ZNF69: variants seen among roughly 807,000 people sequenced by gnomAD.
ZNF69 encodes ZNF3.
In ZNF69, 47 loss-of-function variants were observed where a neutral mutation model predicts 50.9. That is an observed-to-expected ratio of 0.92 (90% CI 0.73 to 1.18). The LOEUF (loss-of-function observed/expected upper bound fraction) is 1.18, where lower values mean the gene tolerates loss of function less well. Ranked by LOEUF, ZNF69 falls within the 50% of genes most tolerant of loss-of-function variation. The pLI, the probability that ZNF69 is intolerant of heterozygous loss-of-function variation, is 0.00. For missense variants in ZNF69, 717 were observed against 675.1 expected (o/e 1.06, Z -0.69); for synonymous variants, 216 against 223.1 (o/e 0.97, Z 0.29).
the ZNF69 span, among the ~76,000 whole-genome samples, chr19:11,970,415 T>C: frequency 6.6e-6 from 1 of 152,214 alleles, no homozygotes; most frequent in Non-Finnish European, 1.5e-5. Context: ...AGTTTTCTTC[T>C]GTTATAACAA....
At chr19:11,951,780 T>C in the ZNF69 span, among the ~76,000 whole-genome samples, 2 of 152,254 alleles carry the variant, frequency 1.3e-5, no homozygotes, top group East Asian at 1.9e-4. Flanking sequence ...TTTAGAAATA[T>C]AGTTATAAAA....
downstream of ZNF69, among the ~76,000 whole-genome samples, chr19:11,917,502 A>C (rs1156923128): frequency 6.6e-6 from 1 of 152,086 alleles, no homozygotes; most frequent in Non-Finnish European, 1.5e-5. Context: ...AAAATGTGTA[A>C]CTATTGGAGT....
At chr19:11,893,767 G>C (rs1464641804) in intron 1 of ZNF69, among the ~76,000 whole-genome samples, 1 of 152,160 alleles carries the variant, frequency 6.6e-6, no homozygotes, top group Non-Finnish European at 1.5e-5. Flanking sequence ...ATGCCTTGTG[G>C]TGGAGGAGAT....
Position 11,905,146 on chromosome 19 carries a change from G to C in ZNF69, c.749G>C (p.Cys250Ser). The C allele has an allele frequency of 6.2e-7, 1 of 1,614,156 alleles. No individual in the cohort carries two copies. Among genetic ancestry groups the C allele is most frequent in the Non-Finnish European group, 8.5e-7 (1 of 1,180,022 alleles). Reference protein sequence around the residue: ...RIHTGEKPYECKQCGKSFSYS... With the variant: ...RIHTGEKPYESKQCGKSFSYS... ...CACACTGGAGAGAAACCATATGAAT[G>C]TAAACAATGTGGTAAATCCTTTAGT... The change falls in exon 4 of 4, where the codon TGT (cysteine) becomes TCT (serine). Residue 250 changes from cysteine to serine, a missense_variant. By Grantham distance (112) the Cys-to-Ser change is moderately radical. Coordinates refer to ENST00000429654, the MANE Select transcript of ZNF69 (RefSeq NM_001364730.1).
the ZNF69 span, chr19:11,925,091 T>C: frequency 8.7e-7 from 1 of 1,143,332 alleles, no homozygotes; most frequent in Non-Finnish European, 1.3e-6. Flanking sequence ...CATCCGGAAA[T>C]GGAGGGGGTC....
chr19:11,954,768 C>T, the ZNF69 span, among the ~76,000 whole-genome samples: 20 of 152,082 alleles, frequency 1.3e-4, no homozygotes, highest in Admixed American at 1.3e-3. Flanking sequence ...CTGCAGTGAG[C>T]TGTGATTGTG....
At chr19:11,938,730 G>T in the ZNF69 span, among the ~76,000 whole-genome samples, 1 of 152,062 alleles carries the variant, frequency 6.6e-6, no homozygotes, top group African/African-American at 2.4e-5. Flanking sequence ...TAATCCTTTG[G>T]GTATATACCC....
the ZNF69 span, chr19:11,964,927 A>G: frequency 2.5e-5 from 11 of 441,746 alleles, no homozygotes; most frequent in African/African-American, 2.2e-4. Context: ...CTGATACCCA[A>G]GGCTTCCGCT....
downstream of ZNF69, among the ~76,000 whole-genome samples, chr19:11,909,458 A>C (rs1413891900): frequency 6.6e-6 from 1 of 152,210 alleles, no homozygotes; most frequent in Non-Finnish European, 1.5e-5. Context: ...CACATCAAAA[A>C]GCTTATCCAC....
downstream of ZNF69, among the ~76,000 whole-genome samples, chr19:11,909,916 A>G (rs567567717): frequency 6.6e-5 from 10 of 151,310 alleles, no homozygotes; most frequent in East Asian, 1.9e-3. Flanking sequence ...GTATATTTAG[A>G]AAACCCTATC....
In ZNF69 at chr19:11,905,481, T is replaced by G. The variant is rs1239629914; in HGVS notation, c.1084T>G (p.Cys362Gly). The G allele has an allele frequency of 6.2e-7, 1 of 1,614,094 alleles. No homozygotes were observed. Among genetic ancestry groups the G allele is most frequent in the Non-Finnish European group, 8.5e-7 (1 of 1,180,034 alleles). Residue 362 changes from cysteine (C) to glycine (G), a missense_variant, in exon 4 of 4, where the codon TGT becomes GGT. Coordinates refer to ENST00000429654, the MANE Select transcript of ZNF69 (RefSeq NM_001364730.1). The part of the protein sequence containing the change: ...RMHSGERPYE[C>G]KICGKGFCSA... ...GCACTCTGGAGAAAGACCTTATGAA[T>G]GTAAGATATGTGGGAAAGGCTTTTG...
At chr19:11,928,711 G>A in the ZNF69 span, among the ~76,000 whole-genome samples, 47 of 132,822 alleles carry the variant, frequency 3.5e-4, no homozygotes, top group Non-Finnish European at 6.3e-4. Flanking sequence ...CAGCCTGGGC[G>A]ACAGAGCGAG....
chr19:11,947,888 G>T, the ZNF69 span, among the ~76,000 whole-genome samples: 1 of 152,088 alleles, frequency 6.6e-6, no homozygotes, highest in Non-Finnish European at 1.5e-5. Context: ...TGCATCGGTA[G>T]TCCCAGCTAC....
At chr19:11,979,215 C>T in the ZNF69 span, 2 of 1,611,822 alleles carry the variant, frequency 1.2e-6, no homozygotes, top group Non-Finnish European at 1.7e-6. Flanking sequence ...GTGGTAAAGC[C>T]TTCAATCTTT....
chr19:11,979,739 A>G, the ZNF69 span: 1 of 1,595,820 alleles, frequency 6.3e-7, no homozygotes. Flanking sequence ...GAAAGCCTTC[A>G]GATCTGCCCC....
the ZNF69 span, among the ~76,000 whole-genome samples, chr19:11,958,521 C>G: frequency 2.0e-5 from 3 of 152,218 alleles, no homozygotes; most frequent in Admixed American, 6.5e-5. Flanking sequence ...GAACCTTCCA[C>G]TGACTCACAG....
At chr19:11,908,288 A>C (rs1355153627), downstream of ZNF69, among the ~76,000 whole-genome samples, 2 of 152,072 alleles carry the variant, frequency 1.3e-5, no homozygotes, top group East Asian at 3.8e-4. Context: ...ACAAGGATAT[A>C]CAGGAATTGA....
At chr19:11,918,681 C>G (rs1972541778), downstream of ZNF69, among the ~76,000 whole-genome samples, 1 of 151,908 alleles carries the variant, frequency 6.6e-6, no homozygotes, top group Non-Finnish European at 1.5e-5. Flanking sequence ...TCTCGAACTC[C>G]CGGGCTCAAT....
the ZNF69 span, chr19:11,965,314 G>A: frequency 1.3e-6 from 2 of 1,531,460 alleles, no homozygotes; most frequent in South Asian, 2.3e-5. Flanking sequence ...GCGACTCCAG[G>A]GTCTGGGACC....
Sources: gnomAD v4.1 joint callset for allele counts (sites outside exome capture counted in the v4.1 genomes callset) on GRCh38, gnomAD v4.1.1 for gene constraint, MANE v1.5 for transcripts, NCBI Gene and HGNC (gene_info 2026-07-23, HGNC 2026-07-21) for gene names.